The following FBXL17 variants were observed in gnomAD, a reference collection of about 807,000 sequenced individuals.
The protein encoded by FBXL17 is F-box and leucine rich repeat protein 17, also known as F-box/LRR-repeat protein 17.
In FBXL17, 22 loss-of-function variants were observed where a neutral mutation model predicts 66.2. The ratio of observed to expected loss-of-function variants is 0.33; its 90% CI spans 0.24 to 0.47. The LOEUF is 0.47. Among genes scored for constraint, FBXL17 ranks in the 20% least tolerant of loss-of-function variants. FBXL17 has a pLI of 1.00. For synonymous variants in FBXL17, 474 were observed against 400.5 expected (o/e 1.18, Z -2.19); for missense variants, 878 against 948.2 (o/e 0.93, Z 0.97).
chr5:107,937,568 C>G (rs771477381), intron 7 of FBXL17, among the ~76,000 whole-genome samples: 1 of 152,112 alleles, frequency 6.6e-6, no homozygotes, highest in Non-Finnish European at 1.5e-5. Flanking sequence ...CCTCCGATAG[C>G]AATTATTGTC....
chr5:107,992,975 G>A (rs6596763), intron 7 of FBXL17, among the ~76,000 whole-genome samples: 54,716 of 151,430 alleles, frequency 0.36, 10,920 homozygotes, highest in African/African-American at 0.55. Flanking sequence ...GGCTCACTGC[G>A]AGCTCCACCT....
chr5:107,865,485 C>T (rs780804436), intron 8 of FBXL17, among the ~76,000 whole-genome samples: 60 of 152,214 alleles, frequency 3.9e-4, no homozygotes, highest in South Asian at 8.3e-4. Flanking sequence ...CCTATTTTGG[C>T]GGCACAAAGT....
chr5:108,128,757 C>T (rs923246175), intron 6 of FBXL17, among the ~76,000 whole-genome samples: 1 of 152,004 alleles, frequency 6.6e-6, no homozygotes, highest in Non-Finnish European at 1.5e-5. Flanking sequence ...TCAACACTAG[C>T]TAAAGAAAGC....
chr5:107,957,985 G>T (rs1171869823), intron 7 of FBXL17, among the ~76,000 whole-genome samples: 2 of 152,012 alleles, frequency 1.3e-5, no homozygotes, highest in Non-Finnish European at 2.9e-5. Context: ...CAGGGAGTGA[G>T]GCCCAGTGTC....
At chr5:108,340,894 C>T (rs544093164) in intron 4 of FBXL17, among the ~76,000 whole-genome samples, 8 of 152,058 alleles carry the variant, frequency 5.3e-5, no homozygotes, top group Admixed American at 2.0e-4. Flanking sequence ...ACTCCATCAG[C>T]AAGATACATC....
intron 4 of FBXL17, among the ~76,000 whole-genome samples, chr5:108,231,195 T>C (rs1226665990): frequency 6.6e-6 from 1 of 152,016 alleles, no homozygotes; most frequent in African/African-American, 2.4e-5. Flanking sequence ...ATAAAATCCA[T>C]CCATTTTGAG....
chr5:107,899,906 A>C (rs1749515005), intron 7 of FBXL17, among the ~76,000 whole-genome samples: 1 of 152,186 alleles, frequency 6.6e-6, no homozygotes, highest in Non-Finnish European at 1.5e-5. Context: ...ACCACCCAGC[A>C]CATGCATTTT....
At position 108,381,572 on chromosome 5, in the gene FBXL17, C is replaced by T; in HGVS notation, c.120G>A (p.Lys40=). 3.5e-6 allele frequency: 5 copies of T among 1,444,958 alleles called. No homozygotes were observed. The highest frequency in any genetic ancestry group is 1.5e-5 in the African/African-American group (1 of 66,830). The allele number at this position is 1,444,958 out of a possible 1,614,324, so 89.5% of individuals were successfully genotyped here. A position where few individuals can be genotyped will look rare whatever the true frequency, so the allele number is the denominator to read the frequency against. ...GGGGCGCCGCCGGCTGAGGGGGCAC[C>T]TTGGCTGGGGTCCGGCGGGGCAGCC... ...LLRLPRRTPA[K]VPPQPAAPRS... The change falls in exon 1 of 9, where the codon AAG becomes AAA. Residue 40 remains lysine (K), a synonymous_variant. Coordinates refer to ENST00000542267, the MANE Select transcript of FBXL17 (RefSeq NM_001163315.3).
chr5:108,224,614 CAG>C (rs1755019730), intron 4 of FBXL17, among the ~76,000 whole-genome samples: 1 of 151,712 alleles, frequency 6.6e-6, no homozygotes, highest in African/African-American at 2.4e-5. Flanking sequence ...TTTGTTTTGA[CAG>C]AGACTCACTG....
chr5:107,999,507 T>G (rs889801714), intron 7 of FBXL17, among the ~76,000 whole-genome samples: 2 of 149,348 alleles, frequency 1.3e-5, no homozygotes, highest in African/African-American at 5.0e-5. Context: ...TACAAATTTT[T>G]AAAGTCAAAT....
At chr5:108,108,751 TC>T (rs1749908432) in intron 6 of FBXL17, among the ~76,000 whole-genome samples, 2 of 151,216 alleles carry the variant, frequency 1.3e-5, no homozygotes, top group Admixed American at 1.3e-4. Context: ...ATTATATGTT[TC>T]CCCAGTGGGC....
Position 107,889,251 on chromosome 5 carries a change from A to G in FBXL17, c.1823-8072T>C, listed in dbSNP as rs145750180. Among the ~76,000 whole-genome samples the G allele has an allele frequency of 1.9e-3, 296 of 152,278 alleles. 1 individual carries two copies. Among genetic ancestry groups the G allele is most frequent in the African/African-American group, 6.4e-3 (268 of 41,564 alleles). On this transcript the variant is annotated intron_variant, in intron 7 of 8. Coordinates refer to ENST00000542267, the MANE Select transcript of FBXL17 (RefSeq NM_001163315.3). Reference sequence around the variant, plus strand: ...ATTACAGCAAATAATAGCTTTCTAAACACCAGATAATTTCCCATGTAATCT... The same window carrying G: ...ATTACAGCAAATAATAGCTTTCTAAGCACCAGATAATTTCCCATGTAATCT...
Position 108,348,463 on chromosome 5 carries a change from C to T in FBXL17, c.1442G>A (p.Gly481Asp). 6.2e-7 allele frequency: 1 copy of T among 1,613,534 alleles called. No individual in the cohort carries two copies. The highest frequency in any genetic ancestry group is 8.5e-7 in the Non-Finnish European group (1 of 1,179,602). The change falls in exon 4 of 9, where the codon GGC becomes GAC. Residue 481 changes from glycine to aspartate, a missense_variant. Physicochemically the swap from Gly to Asp is moderately conservative, Grantham distance 94. This residue lies in a region of FBXL17 where 236 missense variants were observed against 389.1 expected (regional missense o/e 0.61). Transcript: ENST00000542267. The part of the protein sequence containing the change: ...FGQCYKISDE[G>D]MIVIAKGCLK... ...ACAGCCCTTAGCTATGACGATCATG[C>T]CTTCATCTGAGATCTTGTAACACTG...
chr5:108,124,010 T>C (rs1373247787), intron 6 of FBXL17, among the ~76,000 whole-genome samples: 1 of 152,184 alleles, frequency 6.6e-6, no homozygotes, highest in Non-Finnish European at 1.5e-5. Context: ...AGTCAGTGAC[T>C]GGCAGTTTAT....
intron 6 of FBXL17, among the ~76,000 whole-genome samples, chr5:108,118,589 G>A (rs1218863167): frequency 6.6e-6 from 1 of 152,134 alleles, no homozygotes; most frequent in African/African-American, 2.4e-5. Context: ...AATCTTCTCT[G>A]GTAGACTGTC....
At chr5:107,892,382 A>G (rs1013764239) in intron 7 of FBXL17, among the ~76,000 whole-genome samples, 6 of 152,140 alleles carry the variant, frequency 3.9e-5, no homozygotes, top group Non-Finnish European at 8.8e-5. Flanking sequence ...AATCACTGTG[A>G]TGATTGTGTC....
intron 6 of FBXL17, among the ~76,000 whole-genome samples, chr5:108,143,555 A>T (rs551375732): frequency 2.6e-5 from 4 of 152,160 alleles, no homozygotes; most frequent in Admixed American, 2.6e-4. Context: ...CTTTACCAAC[A>T]TCTGCAGCTA....
chr5:108,133,865 A>G (rs1053112212), intron 6 of FBXL17, among the ~76,000 whole-genome samples: 6 of 152,180 alleles, frequency 3.9e-5, no homozygotes, highest in African/African-American at 1.4e-4. Context: ...TGGCACACGT[A>G]AAACATTCAG....
chr5:107,928,430 T>C (rs1440230408), intron 7 of FBXL17, among the ~76,000 whole-genome samples: 1 of 151,944 alleles, frequency 6.6e-6, no homozygotes, highest in Non-Finnish European at 1.5e-5. Context: ...GTTTTTTTTT[T>C]TAAGTCAGCA....
Sources: allele counts gnomAD v4.1 joint callset (sites outside exome capture counted in the v4.1 genomes callset), GRCh38; gene constraint gnomAD v4.1.1; regional missense constraint gnomAD v4.1.1; transcripts MANE v1.5; gene names NCBI Gene and HGNC (gene_info 2026-07-23, HGNC 2026-07-21).